Variants in SIK3 observed in about 807,000 individuals in gnomAD.
SIK3 encodes serine/threonine-protein kinase SIK3.
Under a neutral mutation model 144.2 loss-of-function variants are expected in SIK3, and 28 were observed. That is an observed-to-expected ratio of 0.19 (90% CI 0.14 to 0.27). The LOEUF is 0.27. SIK3 is among the 10% of genes least tolerant of loss of function. The pLI, the probability that SIK3 is intolerant of heterozygous loss-of-function variation, is 1.00. For missense variants in SIK3, 1,319 were observed against 1,776.0 expected (o/e 0.74, Z 4.62); for synonymous variants, 686 against 676.3 (o/e 1.01, Z -0.22).
intron 1 of SIK3, among the ~76,000 whole-genome samples, chr11:117,083,157 C>G (rs1005600571): frequency 6.6e-6 from 1 of 151,992 alleles, no homozygotes; most frequent in African/African-American, 2.4e-5. Context: ...ATAACAATAC[C>G]CCTTTTACTA....
chr11:116,849,176 G>T lies in SIK3; in HGVS notation c.3763C>A (p.His1255Asn). Residue 1255 changes from histidine to asparagine, a missense_variant, in exon 22 of 25, where the codon CAC becomes AAC. Around this residue, in one of 8 missense-constraint regions of SIK3, gnomAD observed 646 missense variants for 763.7 expected, o/e 0.85. Coordinates refer to ENST00000445177, the MANE Select transcript of SIK3 (RefSeq NM_001366686.3). This position sits in a 1 kb window ranked among gnomAD's most constrained non-coding sequence, Gnocchi z 4.2. Reference sequence around the variant, plus strand: ...TGTCTCTGGAGGGCCCGGGGCCTGTGGTGCTCATGGACGGAGGGGCGTGCT... The same window carrying T: ...TGTCTCTGGAGGGCCCGGGGCCTGTTGTGCTCATGGACGGAGGGGCGTGCT... ...YPARPSVHEH[H>N]RPRALQRHHT... 1.2e-6 allele frequency: 2 copies of T among 1,613,888 alleles called. No homozygotes were observed. The highest frequency in any genetic ancestry group is 1.7e-6 in the Non-Finnish European group (2 of 1,179,844).
intron 1 of SIK3, among the ~76,000 whole-genome samples, chr11:117,039,713 G>C (rs1306680912): frequency 6.6e-6 from 1 of 152,168 alleles, no homozygotes; most frequent in Non-Finnish European, 1.5e-5. Flanking sequence ...TTAATATGTA[G>C]TAGGTACTAT....
In SIK3 at chr11:116,968,511, G is replaced by A. The variant is rs183614255; in HGVS notation, c.274-11447C>T. ...AAACAACATTGCCATAGAAAAAACT[G>A]AGAATGATTCCACTGAAATATAAAA... On this transcript the variant is annotated intron_variant, in intron 1 of 24. Transcript: ENST00000445177. Among the ~76,000 whole-genome samples the A allele has an allele frequency of 1.1e-4, 17 of 152,278 alleles. No individual in the cohort carries two copies. The East Asian group carries it at 3.1e-3, about 28-fold the overall frequency.
intron 1 of SIK3, among the ~76,000 whole-genome samples, chr11:117,002,817 C>T (rs139609965): frequency 2.0e-3 from 302 of 152,274 alleles, no homozygotes; most frequent in African/African-American, 7.0e-3. Flanking sequence ...ATGCAAGTAT[C>T]TGAATTAATA....
chr11:116,875,365 G>C lies in SIK3; in HGVS notation c.1317+9C>G. ...TTTCAGCTGACAGCTCCCACAGGTT[G>C]CTACTTGCCTCCACAATTTGGTTCT... On this transcript the variant is annotated intron_variant, in intron 10 of 24. Coordinates refer to ENST00000445177, the MANE Select transcript of SIK3 (RefSeq NM_001366686.3). The C allele has an allele frequency of 6.2e-7, 1 of 1,614,088 alleles. No homozygotes were observed. The highest frequency in any genetic ancestry group is 1.3e-5 in the African/African-American group (1 of 75,034).
intron 3 of SIK3, among the ~76,000 whole-genome samples, chr11:116,936,837 T>G (rs149834186): frequency 2.0e-4 from 30 of 152,228 alleles, no homozygotes; most frequent in African/African-American, 7.2e-4. Flanking sequence ...GCATGTGTAC[T>G]TGCTGTTTCA....
At chr11:116,980,681 T>G (rs921831348) in intron 1 of SIK3, among the ~76,000 whole-genome samples, 3 of 152,054 alleles carry the variant, frequency 2.0e-5, no homozygotes, top group Admixed American at 6.6e-5. Flanking sequence ...GGTAAAACCC[T>G]GTCTCTACTA....
chr11:116,868,541 C>T (rs1381640735), intron 14 of SIK3, among the ~76,000 whole-genome samples: 3 of 152,162 alleles, frequency 2.0e-5, no homozygotes, highest in African/African-American at 7.2e-5. Context: ...ATCTCACAGG[C>T]CCCAGGTTTG....
At chr11:117,023,901 A>G (rs1355212880) in intron 1 of SIK3, among the ~76,000 whole-genome samples, 1 of 150,828 alleles carries the variant, frequency 6.6e-6, no homozygotes, top group African/African-American at 2.4e-5. Context: ...CTGGTCTTGA[A>G]CTCCTGGCCT....
chr11:117,073,994 C>A (rs973694179), intron 1 of SIK3, among the ~76,000 whole-genome samples: 1 of 152,168 alleles, frequency 6.6e-6, no homozygotes. Context: ...TAATTCACTG[C>A]AGCCCTGAAC....
chr11:117,007,707 T>C (rs1951102653), intron 1 of SIK3, among the ~76,000 whole-genome samples: 1 of 152,212 alleles, frequency 6.6e-6, no homozygotes, highest in South Asian at 2.1e-4. Flanking sequence ...AATTTTTTTC[T>C]AGAAATTTGA....
intron 1 of SIK3, among the ~76,000 whole-genome samples, chr11:116,960,122 T>C (rs972153421): frequency 1.3e-5 from 2 of 152,152 alleles, no homozygotes; most frequent in Non-Finnish European, 2.9e-5. Context: ...AAAAATTGCA[T>C]TGAATATAAT....
intron 1 of SIK3, among the ~76,000 whole-genome samples, chr11:117,030,063 A>G (rs1952188889): frequency 6.6e-6 from 1 of 152,116 alleles, no homozygotes; most frequent in East Asian, 1.9e-4. Flanking sequence ...GTAGGAGGAG[A>G]GCCAAGAAAA....
intron 1 of SIK3, chr11:117,035,928 T>C: frequency 1.3e-6 from 2 of 1,594,550 alleles, no homozygotes; most frequent in South Asian, 2.2e-5. Context: ...GTGATGATTT[T>C]ATAGCATCCT....
At chr11:116,990,059 G>C (rs1393960421) in intron 1 of SIK3, among the ~76,000 whole-genome samples, 2 of 152,118 alleles carry the variant, frequency 1.3e-5, no homozygotes, top group African/African-American at 2.4e-5. Flanking sequence ...AATAAGCTTG[G>C]AACAGTAGAC....
intron 1 of SIK3, among the ~76,000 whole-genome samples, chr11:117,018,905 T>A (rs920365293): frequency 5.3e-5 from 8 of 151,852 alleles, no homozygotes; most frequent in Non-Finnish European, 1.2e-4. Context: ...AGAGAAGGGG[T>A]TTCACCATGC....
intron 6 of SIK3, among the ~76,000 whole-genome samples, chr11:116,879,729 A>G (rs993270296): frequency 2.0e-5 from 3 of 152,246 alleles, no homozygotes; most frequent in Non-Finnish European, 1.5e-5. Flanking sequence ...TTGCTTTACA[A>G]TTAAAACTAT....
At chr11:116,927,733 G>A (rs937234281) in intron 3 of SIK3, among the ~76,000 whole-genome samples, 1 of 152,132 alleles carries the variant, frequency 6.6e-6, no homozygotes, top group Non-Finnish European at 1.5e-5. Flanking sequence ...ACACACACAT[G>A]AAGATAAGTA....
rs1338933260 is a variant in SIK3, at chr11:117,098,405, G to A, written c.11C>T (p.Ala4Val). Residue 4 changes from alanine to valine, a missense_variant, in exon 1 of 25, where the codon GCG becomes GTG. Around this residue, in one of 8 missense-constraint regions of SIK3, gnomAD observed 114 missense variants for 116.2 expected, o/e 0.98. Transcript: ENST00000445177. MAA[A>V]AASGAGGAAG... is the part of the protein sequence containing the mutation. ...AGCCCCGCCAGCTCCGCTCGCCGCCGCCGCCGCCATCTTGTTGTGCAGTGA... is the reference window on the plus strand; with the variant it reads ...AGCCCCGCCAGCTCCGCTCGCCGCCACCGCCGCCATCTTGTTGTGCAGTGA... 9.6e-6 allele frequency: 11 copies of A among 1,147,606 alleles called. No homozygotes were observed. Among genetic ancestry groups the A allele is most frequent in the African/African-American group, 1.6e-5 (1 of 60,734 alleles). 71.1% of individuals were successfully genotyped at this position (1,147,606 alleles called of 1,614,324 possible).
Sources: allele counts gnomAD v4.1 joint callset (sites outside exome capture counted in the v4.1 genomes callset), GRCh38; gene constraint gnomAD v4.1.1; regional missense constraint gnomAD v4.1.1; non-coding constraint Gnocchi (gnomAD v3.1); transcripts MANE v1.5; gene names NCBI Gene and HGNC (gene_info 2026-07-23, HGNC 2026-07-21).